Variants in MSRA observed in about 807,000 individuals in gnomAD.
MSRA encodes methionine sulfoxide reductase A.
MSRA carries 54 observed loss-of-function variants against 31.3 expected under a neutral mutation model. The observed-to-expected ratio is 1.73, with a 90% CI of 1.39 to 2.17. The LOEUF (loss-of-function observed/expected upper bound fraction) is 2.17, where lower values mean the gene tolerates loss of function less well. MSRA is among the 30% of genes most tolerant of loss of function. The pLI is 0.00. For synonymous variants in MSRA, 169 were observed against 116.5 expected (o/e 1.45, Z -2.90); for missense variants, 507 against 300.9 (o/e 1.69, Z -5.07).
chr8:10,321,635 C>G (rs1258588736), intron 5 of MSRA, among the ~76,000 whole-genome samples: 3 of 152,216 alleles, frequency 2.0e-5, no homozygotes, highest in African/African-American at 2.4e-5. Context: ...TGGGAGCACT[C>G]TGAGACTAGG....
At chr8:10,326,426 C>CAA (rs1383283405) in intron 5 of MSRA, 1 of 152,158 alleles carries the variant, frequency 6.6e-6, no homozygotes, top group African/African-American at 2.4e-5. Flanking sequence ...CAGCGACTGT[C>CAA]AGAGTTTTGG....
chr8:10,409,029 C>G, intron 5 of MSRA, among the ~76,000 whole-genome samples: 1 of 152,194 alleles, frequency 6.6e-6, no homozygotes, highest in Non-Finnish European at 1.5e-5. Context: ...TAATACACAT[C>G]TGAGTGCAGG....
At chr8:10,139,121 C>G (rs1427423215) in intron 1 of MSRA, among the ~76,000 whole-genome samples, 1 of 152,118 alleles carries the variant, frequency 6.6e-6, no homozygotes. Context: ...GTGGAAAATG[C>G]CGAAGAATAC....
chr8:10,177,537 G>T (rs1033175507), intron 1 of MSRA, among the ~76,000 whole-genome samples: 2 of 152,072 alleles, frequency 1.3e-5, no homozygotes, highest in South Asian at 2.1e-4. Flanking sequence ...TTGTGTTTTA[G>T]TACTTACCCT....
At chr8:10,061,891 G>A (rs542542506) in intron 1 of MSRA, among the ~76,000 whole-genome samples, 1 of 152,332 alleles carries the variant, frequency 6.6e-6, no homozygotes, top group African/African-American at 2.4e-5. Flanking sequence ...AGACTTGCTA[G>A]GCATCTGCAG....
chr8:10,237,465 C>A (rs1421090557), intron 2 of MSRA, among the ~76,000 whole-genome samples: 1 of 152,122 alleles, frequency 6.6e-6, no homozygotes. Context: ...AAAATATTTC[C>A]AAATTCATCT....
chr8:10,064,104 C>T (rs1029840229), intron 1 of MSRA, among the ~76,000 whole-genome samples: 2 of 152,128 alleles, frequency 1.3e-5, no homozygotes, highest in African/African-American at 4.8e-5. Context: ...TAGTCATTTC[C>T]CCCGCTGTGT....
chr8:10,296,185 C>G (rs764786481), intron 3 of MSRA, among the ~76,000 whole-genome samples: 1 of 152,138 alleles, frequency 6.6e-6, no homozygotes, highest in South Asian at 2.1e-4. Flanking sequence ...ACAACTGAGA[C>G]TTCTAGAATG....
intron 5 of MSRA, among the ~76,000 whole-genome samples, chr8:10,358,562 ATTCTTTTTTTTTTT>A (rs1473813750): frequency 1.2e-5 from 1 of 80,490 alleles, no homozygotes; most frequent in East Asian, 6.5e-4. Context: ...GCAGCATTAG[ATTCTTTTTTTTTTT>A]TTTTTTTTTT....
intron 1 of MSRA, among the ~76,000 whole-genome samples, chr8:10,123,226 G>GT (rs1801256395): frequency 6.6e-6 from 1 of 152,190 alleles, no homozygotes; most frequent in South Asian, 2.1e-4. Context: ...ATTCTGACTG[G>GT]TGTGAGATGG....
intron 5 of MSRA, among the ~76,000 whole-genome samples, chr8:10,418,005 G>C (rs1230396215): frequency 6.6e-6 from 1 of 152,130 alleles, no homozygotes; most frequent in Admixed American, 6.5e-5. Flanking sequence ...GCTGGCTCCC[G>C]GACAGCAGCT....
intron 5 of MSRA, among the ~76,000 whole-genome samples, chr8:10,397,321 T>G (rs540943257): frequency 6.6e-6 from 1 of 152,344 alleles, no homozygotes; most frequent in African/African-American, 2.4e-5. Flanking sequence ...ACCCTGGTAC[T>G]TTGTAGGAGC....
intron 5 of MSRA, among the ~76,000 whole-genome samples, chr8:10,383,465 C>T (rs1806199181): frequency 6.6e-6 from 1 of 152,112 alleles, no homozygotes. Flanking sequence ...GAAGTAGTTT[C>T]AATTTGGTTC....
intron 1 of MSRA, among the ~76,000 whole-genome samples, chr8:10,206,976 A>AT (rs1809045612): frequency 6.6e-6 from 1 of 152,188 alleles, no homozygotes; most frequent in African/African-American, 2.4e-5. Context: ...CCATTACATC[A>AT]AAGCGTCTCT....
intron 1 of MSRA, among the ~76,000 whole-genome samples, chr8:10,089,169 C>G (rs997408762): frequency 1.3e-5 from 2 of 152,008 alleles, no homozygotes; most frequent in African/African-American, 4.8e-5. Flanking sequence ...CACAGTAACT[C>G]TGAGGTGATG....
At chr8:10,361,447 C>G (rs1271527849) in intron 5 of MSRA, among the ~76,000 whole-genome samples, 1 of 152,060 alleles carries the variant, frequency 6.6e-6, no homozygotes, top group Admixed American at 6.6e-5. Context: ...GTGGTTGTGG[C>G]CCTGGGCAAA....
intron 1 of MSRA, among the ~76,000 whole-genome samples, chr8:10,113,841 T>A (rs1055418777): frequency 2.6e-5 from 4 of 152,174 alleles, no homozygotes; most frequent in African/African-American, 9.7e-5. Flanking sequence ...CTCCATTTTA[T>A]AATTATACAA....
intron 5 of MSRA, among the ~76,000 whole-genome samples, chr8:10,371,731 C>G (rs1365476610): frequency 6.6e-6 from 1 of 152,056 alleles, no homozygotes; most frequent in Admixed American, 6.5e-5. Context: ...GGTGGTGTTG[C>G]AGTTCCTACC....
At chr8:10,179,368 A>G (rs10103308) in intron 1 of MSRA, among the ~76,000 whole-genome samples, 3 of 152,190 alleles carry the variant, frequency 2.0e-5, no homozygotes, top group Non-Finnish European at 4.4e-5. Flanking sequence ...TGGTGTCTTC[A>G]TCTTTCCAGT....
Sources: allele counts gnomAD v4.1 joint callset (sites outside exome capture counted in the v4.1 genomes callset), GRCh38; gene constraint gnomAD v4.1.1; transcripts MANE v1.5; gene names NCBI Gene and HGNC (gene_info 2026-07-23, HGNC 2026-07-21).